MACF1: variants seen among roughly 807,000 people sequenced by gnomAD.
The protein encoded by MACF1 is microtubule actin crosslinking factor 1, also known as microtubule-actin cross-linking factor 1.
A neutral mutation model predicts 854.8 loss-of-function variants in MACF1; 193 were observed. That is an observed-to-expected ratio of 0.23 (90% CI 0.20 to 0.25). MACF1 has a LOEUF of 0.25. Ranked by LOEUF, MACF1 falls within the 10% of genes least tolerant of loss-of-function variation. The pLI is 1.00. For missense variants in MACF1, 7,722 were observed against 8,929.1 expected (o/e 0.86, Z 5.45); for synonymous variants, 3,185 against 3,226.7 (o/e 0.99, Z 0.44).
At chr1:39,096,091 C>T (rs1355062433) in intron 2 of MACF1, among the ~76,000 whole-genome samples, 1 of 151,446 alleles carries the variant, frequency 6.6e-6, no homozygotes, top group African/African-American at 2.4e-5. Context: ...ATCATTTGAG[C>T]CAGGGAGATG....
chr1:39,319,597 T>C (rs888507179), intron 30 of MACF1, 67 bp from the exon 31 acceptor site: 2 of 1,129,284 alleles, frequency 1.8e-6, no homozygotes, highest in African/African-American at 1.5e-5. Context: ...CCTTAGAACA[T>C]AGTAAATGTT....
chr1:39,480,724 T>C (rs992222757), intron 98 of MACF1, among the ~76,000 whole-genome samples, 196 bp from the exon 99 acceptor site: 5 of 152,160 alleles, frequency 3.3e-5, no homozygotes, highest in African/African-American at 9.7e-5. Flanking sequence ...AGTTTGATGT[T>C]ATGATGGGTT....
chr1:39,348,847 T>C (rs765218195), intron 41 of MACF1, among the ~76,000 whole-genome samples: 35 of 152,230 alleles, frequency 2.3e-4, no homozygotes, highest in Non-Finnish European at 2.9e-4. Context: ...TCCTTTGATA[T>C]TAGTGTAGAC....
At chr1:39,266,576 T>C (rs1268412862) in intron 6 of MACF1, among the ~76,000 whole-genome samples, 1 of 149,472 alleles carries the variant, frequency 6.7e-6, no homozygotes, top group East Asian at 2.0e-4. Flanking sequence ...CTTGTTGCTT[T>C]CCTTTTGTGG....
intron 47 of MACF1, 100 bp from the exon 48 acceptor site, chr1:39,360,693 A>ATAT (rs1425608062): frequency 6.2e-6 from 2 of 323,440 alleles, no homozygotes; most frequent in Admixed American, 1.1e-4. Flanking sequence ...AATAATAATA[A>ATAT]TTTTTATTAT....
chr1:39,179,038 A>G (rs1644069640), intron 2 of MACF1, among the ~76,000 whole-genome samples: 1 of 152,186 alleles, frequency 6.6e-6, no homozygotes, highest in Non-Finnish European at 1.5e-5. Flanking sequence ...ATTAAGTGAT[A>G]TTTTAACTTC....
intron 2 of MACF1, among the ~76,000 whole-genome samples, chr1:39,244,581 ATT>A (rs35814123): frequency 1.4e-5 from 2 of 139,058 alleles, no homozygotes; most frequent in Non-Finnish European, 1.6e-5. Flanking sequence ...GCACCCAGCC[ATT>A]TTTTTTTTTT....
chr1:39,138,120 A>G (rs1343791233), intron 2 of MACF1, among the ~76,000 whole-genome samples: 1 of 150,846 alleles, frequency 6.6e-6, no homozygotes, highest in Non-Finnish European at 1.5e-5. Flanking sequence ...TGGAAGCTTT[A>G]ATTTCTATTT....
chr1:39,449,380 T>C (rs1644288825), intron 84 of MACF1, among the ~76,000 whole-genome samples: 1 of 152,174 alleles, frequency 6.6e-6, no homozygotes, highest in African/African-American at 2.4e-5. Flanking sequence ...ATTACAATAT[T>C]GCTACCCTAT....
At chr1:39,149,844 C>T (rs1643540249) in intron 2 of MACF1, among the ~76,000 whole-genome samples, 1 of 152,178 alleles carries the variant, frequency 6.6e-6, no homozygotes, top group Admixed American at 6.5e-5. Flanking sequence ...CACCACCTGC[C>T]TCAAAGCCCT....
chr1:39,166,213 G>A lies in MACF1; in HGVS notation c.221-64969G>A, dbSNP rs545920808. Among the ~76,000 whole-genome samples, 4 of 151,300 alleles carry A rather than the reference G, an allele frequency of 2.6e-5. No individual in the cohort carries two copies. The South Asian group carries it at 8.4e-4, about 32-fold the overall frequency. On this transcript the variant is annotated intron_variant, in intron 2 of 93. Coordinates refer to the MACF1 transcript ENST00000361689. The stretch of plus-strand genomic sequence containing the variant: ...CTCCCGAGTAGCTGGGATTATAGGC[G>A]TGTGCCACCATGCTGGTCTAATTTT...
intron 2 of MACF1, among the ~76,000 whole-genome samples, chr1:39,158,042 G>A (rs1257683420): frequency 6.6e-6 from 1 of 152,200 alleles, no homozygotes; most frequent in African/African-American, 2.4e-5. Flanking sequence ...CAAAGATGCT[G>A]TGGAAATTTC....
chr1:39,323,125 A>G (rs1571334509), intron 33 of MACF1, 117 bp downstream of exon 33: 1 of 883,646 alleles, frequency 1.1e-6, no homozygotes, highest in Non-Finnish European at 1.9e-6. Flanking sequence ...GGATTACTTG[A>G]GTCTAGGAGT....
intron 2 of MACF1, among the ~76,000 whole-genome samples, chr1:39,089,761 G>A (rs779506853): frequency 3.3e-5 from 5 of 152,182 alleles, no homozygotes; most frequent in African/African-American, 9.7e-5. Flanking sequence ...CAGGCACTGC[G>A]GAGATAACTG....
At position 39,441,132 on chromosome 1, in the gene MACF1, A is replaced by G. The variant is rs1191056730; in HGVS notation, c.18570+7A>G. 3 of 1,614,106 alleles carry G rather than the reference A, an allele frequency of 1.9e-6. No homozygotes were observed. The Admixed American group carries it at 5.0e-5, about 27-fold the overall frequency. ...GAGGAAGAGCATTGATGAGGTGTGG[A>G]GAAATGGATGAGGCACTCAGTTAGA... On this transcript the variant is annotated splice_region_variant and intron_variant, in intron 73 of 100. Coordinates refer to ENST00000564288, the MANE Select transcript of MACF1 (RefSeq NM_001394062.1).
intron 2 of MACF1, among the ~76,000 whole-genome samples, chr1:39,184,264 G>T (rs1644139500): frequency 6.6e-6 from 1 of 152,176 alleles, no homozygotes; most frequent in South Asian, 2.1e-4. Context: ...TTCATGCAGG[G>T]CGGCGTGTGT....
chr1:39,138,379 C>G (rs935693989), intron 2 of MACF1, among the ~76,000 whole-genome samples: 1 of 151,516 alleles, frequency 6.6e-6, no homozygotes, highest in Non-Finnish European at 1.5e-5. Flanking sequence ...GTCAGGAGAT[C>G]GAGACTACCC....
At chr1:39,316,369 G>C in intron 27 of MACF1, 22 bp from the exon 28 acceptor site, 2 of 1,584,768 alleles carry the variant, frequency 1.3e-6, no homozygotes, top group Non-Finnish European at 1.7e-6. Flanking sequence ...GTTAATGAAG[G>C]AATGTGTATT....
chr1:39,464,683 G>A (rs1279339977), intron 94 of MACF1: 1 of 183,490 alleles, frequency 5.4e-6, no homozygotes, highest in Non-Finnish European at 1.1e-5. Context: ...AGAGAGGCGA[G>A]CGAGCGGATC....
Sources: allele counts gnomAD v4.1 joint callset (sites outside exome capture counted in the v4.1 genomes callset), GRCh38; gene constraint gnomAD v4.1.1; transcripts MANE v1.5; gene names NCBI Gene and HGNC (gene_info 2026-07-23, HGNC 2026-07-21).